Variants in PIK3C2G observed in about 807,000 individuals in gnomAD.
PIK3C2G encodes the protein phosphatidylinositol 3-kinase C2 domain-containing subunit gamma.
In PIK3C2G, 168 loss-of-function variants were observed where a neutral mutation model predicts 181.1. That is an observed-to-expected ratio of 0.93 (90% CI 0.82 to 1.05). The LOEUF (loss-of-function observed/expected upper bound fraction) is 1.05, where lower values mean the gene tolerates loss of function less well. Among genes scored for constraint, PIK3C2G ranks in the 50% least tolerant of loss-of-function variants. PIK3C2G has a pLI of 0.00. For missense variants in PIK3C2G, 1,869 were observed against 1,732.8 expected (o/e 1.08, Z -1.40); for synonymous variants, 573 against 592.2 (o/e 0.97, Z 0.47).
At chr12:18,448,821 C>CAT (rs1463587922) in intron 18 of PIK3C2G, among the ~76,000 whole-genome samples, 5 of 151,156 alleles carry the variant, frequency 3.3e-5, no homozygotes, top group Non-Finnish European at 4.4e-5. Context: ...TATACACACA[C>CAT]ATATATATAT....
intron 5 of PIK3C2G, among the ~76,000 whole-genome samples, chr12:18,301,272 T>C (rs955530346): frequency 1.3e-5 from 2 of 152,198 alleles, no homozygotes; most frequent in Non-Finnish European, 2.9e-5. Flanking sequence ...TGGGAAGTTT[T>C]CAGCTATTGT....
At chr12:18,601,946 G>A (rs570714624) in intron 30 of PIK3C2G, among the ~76,000 whole-genome samples, 2 of 152,120 alleles carry the variant, frequency 1.3e-5, no homozygotes, top group African/African-American at 4.8e-5. Flanking sequence ...ATCCATCAGT[G>A]GGGTGGCCAG....
the PIK3C2G span, among the ~76,000 whole-genome samples, chr12:18,661,973 T>C: frequency 6.6e-6 from 1 of 152,070 alleles, no homozygotes; most frequent in African/African-American, 2.4e-5. Flanking sequence ...TGCAGAAACA[T>C]GAATGGAGCT....
chr12:18,712,859 G>A, the PIK3C2G span: 1 of 1,613,772 alleles, frequency 6.2e-7, no homozygotes, highest in Non-Finnish European at 8.5e-7. Context: ...GCATACTTGT[G>A]TATAGCTTGG....
intron 11 of PIK3C2G, among the ~76,000 whole-genome samples, chr12:18,349,948 T>A (rs1940066217): frequency 6.6e-6 from 1 of 152,284 alleles, no homozygotes; most frequent in African/African-American, 2.4e-5. Context: ...CATACTTGGT[T>A]TGTGAAATTG....
chr12:18,561,847 G>A (rs1228657106), intron 26 of PIK3C2G, among the ~76,000 whole-genome samples: 1 of 151,560 alleles, frequency 6.6e-6, no homozygotes, highest in East Asian at 1.9e-4. Context: ...TAAAATACGT[G>A]TCTGTTAAAT....
rs1433310290 is a variant in PIK3C2G at position 18,522,715 on chromosome 12, TC to T, written c.3324-15439del. ...ATTGGAGTGTGATGTCTTGGGGATT[TC>T]CTCTTTGAGTTGAATTTAATTGATG... is the stretch of plus-strand genomic sequence containing the variant. On this transcript the variant is annotated intron_variant, in intron 24 of 32. Transcript: ENST00000538779. Among the ~76,000 whole-genome samples, 5 of 152,134 alleles carry T rather than the reference TC, an allele frequency of 3.3e-5. 1 individual carries two copies. Among genetic ancestry groups the T allele is most frequent in the Admixed American group, 2.0e-4 (3 of 15,270 alleles).
intron 2 of PIK3C2G, among the ~76,000 whole-genome samples, chr12:18,284,893 A>T (rs1949376984): frequency 6.6e-6 from 1 of 152,192 alleles, no homozygotes; most frequent in Non-Finnish European, 1.5e-5. Flanking sequence ...GAGACAAGAA[A>T]CATAATATGT....
intron 29 of PIK3C2G, among the ~76,000 whole-genome samples, chr12:18,592,780 G>T (rs1413182104): frequency 1.3e-5 from 2 of 152,010 alleles, no homozygotes; most frequent in African/African-American, 2.4e-5. Flanking sequence ...GAGGAAAAAC[G>T]GAAGAAGAGT....
intron 24 of PIK3C2G, among the ~76,000 whole-genome samples, chr12:18,533,209 A>G (rs1223059923): frequency 6.6e-6 from 1 of 152,092 alleles, no homozygotes; most frequent in Non-Finnish European, 1.5e-5. Flanking sequence ...CCTCCAACCT[A>G]AATCTTTTCT....
chr12:18,498,837 CT>C (rs1941210873), intron 22 of PIK3C2G, among the ~76,000 whole-genome samples: 1 of 152,224 alleles, frequency 6.6e-6, no homozygotes, highest in African/African-American at 2.4e-5. Context: ...ACTCTAAATA[CT>C]TTCTAAATCT....
At chr12:18,609,686 C>G in intron 31 of PIK3C2G, 57 bp downstream of exon 31, 1 of 1,021,168 alleles carries the variant, frequency 9.8e-7, no homozygotes, top group Non-Finnish European at 1.5e-6. Flanking sequence ...AATCACTTAC[C>G]TCCTTTGGGC....
chr12:18,424,776 T>C, intron 18 of PIK3C2G: 1 of 209,968 alleles, frequency 4.8e-6, no homozygotes, highest in Non-Finnish European at 1.0e-5. Flanking sequence ...CTGGATTAGC[T>C]TGTGAATTTC....
At chr12:18,527,111 T>A (rs1943276969) in intron 24 of PIK3C2G, among the ~76,000 whole-genome samples, 2 of 152,026 alleles carry the variant, frequency 1.3e-5, no homozygotes, top group South Asian at 4.1e-4. Context: ...CCTCTCACAC[T>A]CAGTAAGCCA....
intron 29 of PIK3C2G, among the ~76,000 whole-genome samples, chr12:18,572,176 A>G (rs1480527090): frequency 6.6e-6 from 1 of 151,234 alleles, no homozygotes; most frequent in Non-Finnish European, 1.5e-5. Context: ...CTATATCTGT[A>G]TCTATAAACT....
At chr12:18,424,469 T>C (rs1205098625) in intron 18 of PIK3C2G, among the ~76,000 whole-genome samples, 5 of 152,248 alleles carry the variant, frequency 3.3e-5, no homozygotes, top group East Asian at 1.9e-4. Flanking sequence ...ACTCATTCTG[T>C]TGAAAATTTC....
At chr12:18,559,803 TATATATATATATATATATAGAGAG>T (rs1447861355) in intron 26 of PIK3C2G, among the ~76,000 whole-genome samples, 730 of 51,118 alleles carry the variant, frequency 0.014, 1 homozygote, top group Non-Finnish European at 0.021. Context: ...TATATATATA[TATATATATATATATATATAGAGAG>T]AGAGAGAGAG....
At chr12:18,375,909 CT>C (rs1235333724) in intron 13 of PIK3C2G, among the ~76,000 whole-genome samples, 2 of 152,214 alleles carry the variant, frequency 1.3e-5, no homozygotes, top group Admixed American at 6.5e-5. Flanking sequence ...TCCTTGGCAG[CT>C]TCCACAAGGT....
chr12:18,426,286 A>G (rs1592230176), intron 18 of PIK3C2G, among the ~76,000 whole-genome samples: 1 of 152,186 alleles, frequency 6.6e-6, no homozygotes, highest in African/African-American at 2.4e-5. Flanking sequence ...CATGAATTTT[A>G]TGTTAGGATT....
Sources: gnomAD v4.1 joint callset for allele counts (sites outside exome capture counted in the v4.1 genomes callset) on GRCh38, gnomAD v4.1.1 for gene constraint, MANE v1.5 for transcripts, NCBI Gene and HGNC (gene_info 2026-07-23, HGNC 2026-07-21) for gene names.